The following SEMA5A variants were observed in gnomAD, a reference collection of about 807,000 sequenced individuals.
SEMA5A encodes the protein semaphorin-5A.
Under a neutral mutation model 135.5 loss-of-function variants are expected in SEMA5A, and 55 were observed. The observed-to-expected ratio is 0.41, with a 90% CI of 0.33 to 0.51. The LOEUF is 0.51. Among genes scored for constraint, SEMA5A ranks in the 20% least tolerant of loss-of-function variants. SEMA5A has a pLI of 0.37. For missense variants in SEMA5A, 1,290 were observed against 1,419.9 expected, an observed-to-expected ratio of 0.91 and a Z score of 1.47; for synonymous variants, 580 against 546.5, an observed-to-expected ratio of 1.06 and a Z score of -0.85.
At chr5:9,407,089 A>G (rs1460597939) in intron 2 of SEMA5A, among the ~76,000 whole-genome samples, 2 of 152,222 alleles carry the variant, frequency 1.3e-5, no homozygotes, top group African/African-American at 4.8e-5. Context: ...AGATGTCTGT[A>G]GCACAAGAAA....
At chr5:9,219,536 C>T (rs1048636077) in intron 8 of SEMA5A, among the ~76,000 whole-genome samples, 1 of 152,102 alleles carries the variant, frequency 6.6e-6, no homozygotes, top group African/African-American at 2.4e-5. Context: ...GGGCTTTAAT[C>T]CAATATGACT....
At chr5:9,404,570 G>GT (rs1490932047) in intron 2 of SEMA5A, among the ~76,000 whole-genome samples, 1 of 152,178 alleles carries the variant, frequency 6.6e-6, no homozygotes, top group Non-Finnish European at 1.5e-5. Flanking sequence ...CTCTAATGCT[G>GT]TATCACTAGG....
At position 9,179,056 on chromosome 5, in the gene SEMA5A, C is replaced by T. The variant is rs1333061405; in HGVS notation, c.1273+11211G>A. Among the ~76,000 whole-genome samples, 5 of 152,088 alleles carry T rather than the reference C, an allele frequency of 3.3e-5. No individual in the cohort carries two copies. In the East Asian group the frequency reaches 9.6e-4, roughly 29 times the overall value. ...AATAAGAAAACCTGGGGCACTGAATCAAGATTATGAAAAATCCTCGTAGTT... is the reference window on the plus strand; with the variant it reads ...AATAAGAAAACCTGGGGCACTGAATTAAGATTATGAAAAATCCTCGTAGTT... On this transcript the variant is annotated intron_variant, in intron 11 of 22. Transcript: ENST00000382496.
intron 1 of SEMA5A, among the ~76,000 whole-genome samples, chr5:9,440,481 G>T (rs1314618552): frequency 1.3e-5 from 2 of 152,026 alleles, no homozygotes; most frequent in Non-Finnish European, 2.9e-5. Flanking sequence ...TAACCTTGGT[G>T]CCAACAACCT....
intron 1 of SEMA5A, among the ~76,000 whole-genome samples, chr5:9,513,216 G>A (rs938665699): frequency 6.6e-6 from 1 of 151,710 alleles, no homozygotes; most frequent in African/African-American, 2.4e-5. Flanking sequence ...TGAATTAAAT[G>A]TGTGTCTTGG....
chr5:9,305,122 C>T (rs901234004), intron 5 of SEMA5A, among the ~76,000 whole-genome samples: 4 of 152,110 alleles, frequency 2.6e-5, no homozygotes, highest in African/African-American at 7.2e-5. Flanking sequence ...ATTTTTCTCC[C>T]TCTCGCCTGT....
At position 9,285,808 on chromosome 5, in the gene SEMA5A, G is replaced by A. The variant is rs149511154; in HGVS notation, c.270+32564C>T. Among the ~76,000 whole-genome samples the A allele has an allele frequency of 3.3e-5, 5 of 152,344 alleles. No homozygotes were observed. In the East Asian group the frequency reaches 7.7e-4, roughly 23 times the overall value. ...CTCCTATAATGACCTTGACCCAAAT[G>A]TTCTGGTGATGGCTGCTTCATGGGG... On this transcript the variant is annotated intron_variant, in intron 5 of 22. Coordinates refer to ENST00000382496, the MANE Select transcript of SEMA5A (RefSeq NM_003966.3).
Position 9,487,222 on chromosome 5 carries a change from A to G in SEMA5A, c.-174-49370T>C, listed in dbSNP as rs182765241. 2.0e-5 allele frequency among the ~76,000 whole-genome samples: 3 copies of G among 152,338 alleles called. No homozygotes were observed. In the East Asian group the frequency reaches 5.8e-4, roughly 29 times the overall value. On this transcript the variant is annotated intron_variant, in intron 1 of 22. Transcript: ENST00000382496. ...CTGGAACTAAAACCCCTGGAAAATA[A>G]GAAGTTCACATTAATTATGGTCTTA...
intron 17 of SEMA5A, among the ~76,000 whole-genome samples, chr5:9,065,609 A>C (rs552809362): frequency 6.6e-6 from 1 of 152,248 alleles, no homozygotes; most frequent in Non-Finnish European, 1.5e-5. Flanking sequence ...TTCTCATCAA[A>C]CTGTGTACCA....
intron 18 of SEMA5A, among the ~76,000 whole-genome samples, chr5:9,054,646 C>T (rs1257007103): frequency 6.6e-6 from 1 of 152,124 alleles, no homozygotes; most frequent in Non-Finnish European, 1.5e-5. Flanking sequence ...TGATGTAAAG[C>T]CCCAGCCAGC....
intron 12 of SEMA5A, among the ~76,000 whole-genome samples, chr5:9,154,059 AAAAATATAT>A (rs1177458429): frequency 7.8e-4 from 38 of 49,024 alleles, no homozygotes; most frequent in African/African-American, 1.9e-3. Flanking sequence ...AAAAAAAAAA[AAAAATATAT>A]ATATATATAT....
At chr5:9,195,195 G>A (rs1246536323) in intron 10 of SEMA5A, among the ~76,000 whole-genome samples, 1 of 152,190 alleles carries the variant, frequency 6.6e-6, no homozygotes, top group Non-Finnish European at 1.5e-5. Context: ...TTTAGAGACA[G>A]GGTCTTGCTC....
At chr5:9,063,449 G>C (rs80001889) in intron 17 of SEMA5A, among the ~76,000 whole-genome samples, 1 of 152,138 alleles carries the variant, frequency 6.6e-6, no homozygotes, top group African/African-American at 2.4e-5. Flanking sequence ...CTTTCCTTGG[G>C]AATTCTACAA....
intron 1 of SEMA5A, among the ~76,000 whole-genome samples, chr5:9,475,156 T>A (rs1348682938): frequency 6.6e-6 from 1 of 152,232 alleles, no homozygotes; most frequent in Non-Finnish European, 1.5e-5. Context: ...GGTCTCGAAC[T>A]CCTGACCTCA....
chr5:9,054,193 G>T lies in SEMA5A; in HGVS notation c.2583C>A (p.His861Gln). 6.2e-7 allele frequency: 1 copy of T among 1,614,060 alleles called. No individual in the cohort carries two copies. Among genetic ancestry groups the T allele is most frequent in the Non-Finnish European group, 8.5e-7 (1 of 1,180,000 alleles). Reference sequence around the variant, plus strand: ...TGGAGCAAGAGCGGGTCCTCATATAGTGTCCACCGCCGCATGTTGCTGAAC... The same window carrying T: ...TGGAGCAAGAGCGGGTCCTCATATATTGTCCACCGCCGCATGTTGCTGAAC... ...TKCSATCGGG[H>Q]YMRTRSCSNP... The change falls in exon 19 of 23, where the codon CAC (histidine) becomes CAA (glutamine). Residue 861 changes from histidine to glutamine, a missense_variant. Transcript: ENST00000382496.
intron 1 of SEMA5A, among the ~76,000 whole-genome samples, chr5:9,479,364 A>T (rs1561285789): frequency 6.7e-6 from 1 of 150,292 alleles, no homozygotes; most frequent in Non-Finnish European, 1.5e-5. Context: ...AGCCTGGGTA[A>T]CCTAGTGTGA....
At chr5:9,321,194 C>T (rs368087517) in intron 4 of SEMA5A, among the ~76,000 whole-genome samples, 2 of 152,180 alleles carry the variant, frequency 1.3e-5, no homozygotes, top group Non-Finnish European at 2.9e-5. Context: ...CCTTCACCTT[C>T]CACCATGATT....
chr5:9,482,773 G>T (rs1759924793), intron 1 of SEMA5A, among the ~76,000 whole-genome samples: 1 of 152,224 alleles, frequency 6.6e-6, no homozygotes, highest in Admixed American at 6.5e-5. Context: ...ACAGGAAGTG[G>T]AACTGAAAAG....
intron 1 of SEMA5A, among the ~76,000 whole-genome samples, chr5:9,508,750 C>T (rs975221028): frequency 2.0e-5 from 3 of 152,312 alleles, no homozygotes; most frequent in African/African-American, 7.2e-5. Flanking sequence ...CCACAGCCCT[C>T]CTGCCACTTC....
Sources: gnomAD v4.1 joint callset for allele counts (sites outside exome capture counted in the v4.1 genomes callset) on GRCh38, gnomAD v4.1.1 for gene constraint, MANE v1.5 for transcripts, NCBI Gene and HGNC (gene_info 2026-07-23, HGNC 2026-07-21) for gene names.